Variants in MOCOS observed in about 807,000 individuals in gnomAD.
MOCOS encodes the protein molybdenum cofactor sulfurase, also known as human molybdenum cofactor sulfurase.
MOCOS carries 86 observed loss-of-function variants against 83.6 expected under a neutral mutation model. The observed-to-expected ratio is 1.03, with a 90% CI of 0.86 to 1.23. The LOEUF is 1.23. MOCOS is among the 50% of genes most tolerant of loss of function. MOCOS has a pLI of 0.00. For synonymous variants in MOCOS, 445 were observed against 434.7 expected (o/e 1.02, Z -0.29); for missense variants, 1,120 against 1,126.9 (o/e 0.99, Z 0.09).
rs1366834406 is a variant in MOCOS at position 36,187,869 on chromosome 18, T to G, written c.142+188T>G. On this transcript the variant is annotated intron_variant, in intron 1 of 14. Transcript: ENST00000261326. ...AGGTCCCACCTGCAGCCCCAAGGCTTCTTGCTACTCTTACTCTTCCGACTT... is the reference window on the plus strand; with the variant it reads ...AGGTCCCACCTGCAGCCCCAAGGCTGCTTGCTACTCTTACTCTTCCGACTT... 3.9e-5 allele frequency among the ~76,000 whole-genome samples: 6 copies of G among 152,302 alleles called. No homozygotes were observed. In the East Asian group the frequency reaches 9.7e-4, roughly 25 times the overall value.
chr18:36,226,395 C>T (rs2091515426), intron 9 of MOCOS, among the ~76,000 whole-genome samples: 1 of 152,046 alleles, frequency 6.6e-6, no homozygotes, highest in Non-Finnish European at 1.5e-5. Flanking sequence ...TGTTTACTTT[C>T]AGTCTATGTA....
At chr18:36,192,134 A>T (rs954994659) in intron 1 of MOCOS, among the ~76,000 whole-genome samples, 1 of 152,242 alleles carries the variant, frequency 6.6e-6, no homozygotes, top group Non-Finnish European at 1.5e-5. Flanking sequence ...AAGAAAACAA[A>T]ATAGAAGGGA....
intron 6 of MOCOS, among the ~76,000 whole-genome samples, chr18:36,211,928 C>T (rs552317414): frequency 2.6e-5 from 4 of 152,132 alleles, no homozygotes; most frequent in Admixed American, 1.3e-4. Context: ...GGCTTTGTTC[C>T]CTGGGACACT....
chr18:36,191,520 T>A (rs1166842217), intron 1 of MOCOS, among the ~76,000 whole-genome samples: 1 of 152,244 alleles, frequency 6.6e-6, no homozygotes, highest in African/African-American at 2.4e-5. Flanking sequence ...CATAGCTCAC[T>A]GCCGCCTTGA....
At chr18:36,187,707 G>A in intron 1 of MOCOS, 26 bp downstream of exon 1, 1 of 1,260,140 alleles carries the variant, frequency 7.9e-7, no homozygotes, top group Admixed American at 3.8e-5. Flanking sequence ...AGGCTTGGGG[G>A]ACACGAGGTT....
At chr18:36,265,518 A>T (rs1316479098) in intron 13 of MOCOS, among the ~76,000 whole-genome samples, 2 of 152,144 alleles carry the variant, frequency 1.3e-5, no homozygotes, top group Non-Finnish European at 2.9e-5. Flanking sequence ...CTGAGGAGAA[A>T]ATGGTTATGA....
At chr18:36,203,565 T>C (rs77919175) in intron 5 of MOCOS, among the ~76,000 whole-genome samples, 15,955 of 152,242 alleles carry the variant, frequency 0.1, 1,035 homozygotes, top group Non-Finnish European at 0.15. Flanking sequence ...GCTCTGCCTA[T>C]GAATGAGCTG....
chr18:36,211,855 G>C (rs1353816869), intron 6 of MOCOS, among the ~76,000 whole-genome samples: 1 of 151,392 alleles, frequency 6.6e-6, no homozygotes, highest in Non-Finnish European at 1.5e-5. Context: ...ATAGCTAACA[G>C]AGTGCCGGGA....
intron 9 of MOCOS, among the ~76,000 whole-genome samples, chr18:36,245,980 C>T (rs1424807165): frequency 1.3e-5 from 2 of 152,048 alleles, no homozygotes; most frequent in Admixed American, 6.6e-5. Context: ...AAGTTGTGAT[C>T]ATCTTTTCTT....
chr18:36,257,123 T>TA, intron 12 of MOCOS, 50 bp downstream of exon 12: 2 of 1,504,318 alleles, frequency 1.3e-6, no homozygotes. Context: ...CATTTGCCAC[T>TA]GGGAGCAGGG....
intron 2 of MOCOS, among the ~76,000 whole-genome samples, chr18:36,196,285 CATTT>C (rs1430384192): frequency 1.3e-5 from 2 of 152,182 alleles, no homozygotes; most frequent in African/African-American, 4.8e-5. Flanking sequence ...CGATAAGTAA[CATTT>C]ATCAGGTACT....
chr18:36,257,057 C>A lies in MOCOS; in HGVS notation c.2254C>A (p.Arg752=). ...CACATCCAGTATTTTGGAACTTCAC[C>A]GGCAACTAAACACCAGGTAAGACCT... is the stretch of plus-strand genomic sequence containing the variant. The part of the protein sequence containing the change: ...INTSSILELH[R]QLNTSDENGK... The change falls in exon 12 of 15, where the codon CGG becomes AGG. Residue 752 remains arginine (R), a synonymous_variant. Transcript: ENST00000261326. The A allele has an allele frequency of 3.1e-6, 5 of 1,613,752 alleles. No individual in the cohort carries two copies. Among genetic ancestry groups the A allele is most frequent in the African/African-American group, 2.7e-5 (2 of 75,002 alleles).
At chr18:36,229,138 ATTTAC>A (rs2144930508) in intron 9 of MOCOS, among the ~76,000 whole-genome samples, 1 of 152,204 alleles carries the variant, frequency 6.6e-6, no homozygotes, top group South Asian at 2.1e-4. Flanking sequence ...TTGTCTACAT[ATTTAC>A]TTTATAGCAA....
chr18:36,240,617 A>T (rs1598587551), intron 9 of MOCOS, among the ~76,000 whole-genome samples: 1 of 152,038 alleles, frequency 6.6e-6, no homozygotes, highest in Admixed American at 6.5e-5. Flanking sequence ...CCAGAGGTGG[A>T]GCCTACAGAG....
chr18:36,215,016 C>T (rs558727264), intron 7 of MOCOS, among the ~76,000 whole-genome samples: 3 of 152,182 alleles, frequency 2.0e-5, no homozygotes, highest in East Asian at 1.9e-4. Flanking sequence ...CACAGTGGCC[C>T]GGGGCTGGTC....
At chr18:36,241,020 T>G (rs1268777069) in intron 9 of MOCOS, among the ~76,000 whole-genome samples, 1 of 152,170 alleles carries the variant, frequency 6.6e-6, no homozygotes. Flanking sequence ...CCCACTGACC[T>G]GCACCCACTG....
chr18:36,240,914 C>A (rs2144943751), intron 9 of MOCOS, among the ~76,000 whole-genome samples: 1 of 152,312 alleles, frequency 6.6e-6, no homozygotes, highest in Admixed American at 6.5e-5. Flanking sequence ...CGTCCGTCAC[C>A]CCTTTCTTTG....
intron 7 of MOCOS, among the ~76,000 whole-genome samples, chr18:36,214,582 G>A (rs956833368): frequency 6.6e-6 from 1 of 152,074 alleles, no homozygotes; most frequent in Non-Finnish European, 1.5e-5. Flanking sequence ...CATTTCATTA[G>A]GAATAATTTG....
At chr18:36,248,300 G>T (rs574270646) in intron 9 of MOCOS, among the ~76,000 whole-genome samples, 2 of 151,726 alleles carry the variant, frequency 1.3e-5, no homozygotes, top group East Asian at 1.9e-4. Context: ...TGAATTACTT[G>T]TTTTTTTTCA....
Sources: allele counts gnomAD v4.1 joint callset (sites outside exome capture counted in the v4.1 genomes callset), GRCh38; gene constraint gnomAD v4.1.1; transcripts MANE v1.5; gene names NCBI Gene and HGNC (gene_info 2026-07-23, HGNC 2026-07-21).